The following SLC35D4 variants were observed in gnomAD, a reference collection of about 807,000 sequenced individuals.
SLC35D4 encodes UDP-N-acetylglucosamine transporter SLC35D4.
the SLC35D4 span, among the ~76,000 whole-genome samples, chr18:23,392,817 C>A: frequency 6.6e-6 from 1 of 152,224 alleles, no homozygotes; most frequent in African/African-American, 2.4e-5. Flanking sequence ...CCCACAGGAA[C>A]ACAGAGGAGT....
At chr18:23,435,121 G>A in the SLC35D4 span, among the ~76,000 whole-genome samples, 1 of 151,760 alleles carries the variant, frequency 6.6e-6, no homozygotes, top group Non-Finnish European at 1.5e-5. Flanking sequence ...TCACACCACT[G>A]CACTCCAGCC....
the SLC35D4 span, among the ~76,000 whole-genome samples, chr18:23,278,198 C>T: frequency 2.6e-5 from 4 of 152,190 alleles, no homozygotes; most frequent in African/African-American, 7.2e-5. Flanking sequence ...TAGAGCCCCA[C>T]ATACTCCCGC....
the SLC35D4 span, among the ~76,000 whole-genome samples, chr18:23,252,300 T>C: frequency 2.6e-5 from 4 of 152,330 alleles, no homozygotes; most frequent in African/African-American, 9.6e-5. Flanking sequence ...TGGTGAGGGC[T>C]GCACAACTAT....
chr18:23,364,927 AAAAAAAG>A, the SLC35D4 span, among the ~76,000 whole-genome samples: 9 of 2,458 alleles, frequency 3.7e-3, 2 homozygotes, highest in South Asian at 0.094. Context: ...AAAAAAAAAA[AAAAAAAG>A]GACTCCTTTC....
the SLC35D4 span, chr18:23,252,900 A>C: frequency 1.7e-6 from 2 of 1,170,446 alleles, no homozygotes; most frequent in South Asian, 2.5e-5. Flanking sequence ...TAGTTGGTGC[A>C]TAATTATTAC....
At chr18:23,346,114 A>AT in the SLC35D4 span, among the ~76,000 whole-genome samples, 2 of 152,242 alleles carry the variant, frequency 1.3e-5, no homozygotes, top group Admixed American at 6.5e-5. Flanking sequence ...CAAAAAAAAA[A>AT]ATATTTTTAA....
At chr18:23,401,129 T>C in the SLC35D4 span, among the ~76,000 whole-genome samples, 1 of 152,216 alleles carries the variant, frequency 6.6e-6, no homozygotes, top group Non-Finnish European at 1.5e-5. Context: ...ACAATAATCT[T>C]ATGAGGAAGG....
the SLC35D4 span, among the ~76,000 whole-genome samples, chr18:23,434,814 A>G: frequency 4.0e-5 from 6 of 151,662 alleles, no homozygotes; most frequent in Admixed American, 6.6e-5. Flanking sequence ...ACAAAAATTT[A>G]TAAAAGGCCA....
the SLC35D4 span, among the ~76,000 whole-genome samples, chr18:23,338,396 A>G: frequency 6.6e-6 from 1 of 152,338 alleles, no homozygotes; most frequent in Admixed American, 6.5e-5. Flanking sequence ...GAATTAAAAC[A>G]GCAGATTGAT....
At chr18:23,324,941 T>A in the SLC35D4 span, among the ~76,000 whole-genome samples, 2 of 152,186 alleles carry the variant, frequency 1.3e-5, no homozygotes, top group African/African-American at 4.8e-5. Context: ...CCATGGAGAA[T>A]CCTATTCATT....
At chr18:23,373,591 T>G in the SLC35D4 span, 2 of 1,094,260 alleles carry the variant, frequency 1.8e-6, no homozygotes, top group Non-Finnish European at 2.7e-6. Context: ...AGATTTGGAA[T>G]GCTTCTGCAT....
the SLC35D4 span, among the ~76,000 whole-genome samples, chr18:23,246,378 A>G: frequency 2.7e-5 from 4 of 150,762 alleles, no homozygotes; most frequent in Admixed American, 2.0e-4. Context: ...AAACCCAGGC[A>G]TTGCAAGTTT....
At chr18:23,426,231 A>G in the SLC35D4 span, among the ~76,000 whole-genome samples, 24 of 152,220 alleles carry the variant, frequency 1.6e-4, no homozygotes, top group Non-Finnish European at 5.9e-5. Flanking sequence ...TGACCACATA[A>G]AAAATATTTA....
At chr18:23,269,495 G>A in the SLC35D4 span, among the ~76,000 whole-genome samples, 1 of 152,162 alleles carries the variant, frequency 6.6e-6, no homozygotes, top group East Asian at 1.9e-4. Context: ...TGTGAGAATG[G>A]ACTAATACAG....
chr18:23,307,625 C>T, the SLC35D4 span, among the ~76,000 whole-genome samples: 19 of 152,336 alleles, frequency 1.2e-4, no homozygotes, highest in South Asian at 2.3e-3. Flanking sequence ...GAGGCCTGAG[C>T]GGAGGGCGAG....
the SLC35D4 span, among the ~76,000 whole-genome samples, chr18:23,394,043 C>T: frequency 8.5e-5 from 13 of 152,208 alleles, no homozygotes; most frequent in Non-Finnish European, 1.8e-4. Context: ...TCTTCCTCTC[C>T]CTTCTTTCAG....
chr18:23,325,902 T>G, the SLC35D4 span, among the ~76,000 whole-genome samples: 1 of 152,184 alleles, frequency 6.6e-6, no homozygotes, highest in South Asian at 2.1e-4. Context: ...ACAATGCCCA[T>G]CAGTGGCTAC....
chr18:23,423,207 GC>G, the SLC35D4 span, among the ~76,000 whole-genome samples: 1 of 152,266 alleles, frequency 6.6e-6, no homozygotes, highest in Middle Eastern at 3.4e-3. Flanking sequence ...CCATCCTCTT[GC>G]CCCATAATGT....
the SLC35D4 span, among the ~76,000 whole-genome samples, chr18:23,300,433 C>T: frequency 6.6e-6 from 1 of 152,164 alleles, no homozygotes; most frequent in East Asian, 1.9e-4. Context: ...CCTTAATCAC[C>T]AGGGAGAAAA....
Sources: allele counts gnomAD v4.1 joint callset (sites outside exome capture counted in the v4.1 genomes callset), GRCh38; gene constraint gnomAD v4.1.1; transcripts MANE v1.5; gene names NCBI Gene and HGNC (gene_info 2026-07-23, HGNC 2026-07-21).